Variants in MAOB observed in about 807,000 individuals in gnomAD.
MAOB encodes the protein amine oxidase [flavin-containing] B.
MAOB carries 15 observed loss-of-function variants against 41.9 expected under a neutral mutation model. That is an observed-to-expected ratio of 0.36 (90% CI 0.24 to 0.55). The LOEUF is 0.55. Ranked by LOEUF, MAOB falls within the 20% of genes least tolerant of loss-of-function variation. MAOB has a pLI of 0.86. For synonymous variants in MAOB, 167 were observed against 144.2 expected, an observed-to-expected ratio of 1.16 and a Z score of -1.13; for missense variants, 345 against 398.7, an observed-to-expected ratio of 0.87 and a Z score of 1.15.
chrX:43,806,929 C>G (rs1043158737), intron 3 of MAOB, among the ~76,000 whole-genome samples: 8 of 111,091 alleles, frequency 7.2e-5, no homozygotes, highest in African/African-American at 2.6e-4. Flanking sequence ...GTCTGTTGAG[C>G]ATTTTTTTCA....
intron 3 of MAOB, among the ~76,000 whole-genome samples, chrX:43,836,662 G>C (rs745482266): frequency 8.9e-6 from 1 of 112,092 alleles, no homozygotes; most frequent in East Asian, 2.8e-4. Context: ...CGAACCAAGA[G>C]AGTATTTTAG....
chrX:43,793,370 A>G (rs1194819127), intron 8 of MAOB, 49 bp downstream of exon 8: 13 of 1,013,803 alleles, frequency 1.3e-5, no homozygotes, highest in Non-Finnish European at 1.7e-5. Context: ...CTTAGCAACA[A>G]GTTTCTTGGA....
At chrX:43,870,794 C>CAAAAAAAAAAAAAAAAAAAAAAAAAAAA (rs763016344) in intron 1 of MAOB, among the ~76,000 whole-genome samples, 1 of 21,933 alleles carries the variant, frequency 4.6e-5, no homozygotes, top group Non-Finnish European at 7.8e-5. Context: ...GACTCCACCT[C>CAAAAAAAAAAAAAAAAAAAAAAAAAAAA]AAAAAAAAAA....
At chrX:43,840,311 G>C (rs997861262) in intron 2 of MAOB, among the ~76,000 whole-genome samples, 2 of 111,459 alleles carry the variant, frequency 1.8e-5, no homozygotes, top group Non-Finnish European at 3.8e-5. Context: ...CATTTTCCTT[G>C]ATAAGCTATA....
intron 10 of MAOB, 53 bp downstream of exon 10, chrX:43,780,289 G>A: frequency 2.1e-6 from 2 of 963,237 alleles, no homozygotes; most frequent in East Asian, 3.2e-5. Context: ...GGGAGGGATG[G>A]AGTGGGGGGG....
rs200388986 is a variant in MAOB, at chrX:43,767,529, G to A, written c.1500C>T (p.Thr500=). The change falls in exon 15 of 15, where the codon ACC becomes ACT. Residue 500 remains threonine (T), a synonymous_variant. Transcript: ENST00000378069. ...AGCCAAGAGCCGTTGCTGAAAAGAT[G>A]GTGGTCAATCCAATCAGCCTGAGCA... The part of the protein sequence containing the change: ...PGLLRLIGLT[T]IFSATALGFL... 2.4e-5 allele frequency: 29 copies of A among 1,208,883 alleles called. No homozygotes were observed. The African/African-American group carries it at 4.9e-4, about 20-fold the overall frequency.
chrX:43,796,185 C>T (rs1366561024), intron 6 of MAOB, among the ~76,000 whole-genome samples: 1 of 111,748 alleles, frequency 8.9e-6, no homozygotes, highest in African/African-American at 3.3e-5. Context: ...GCTCTCTGTC[C>T]TATCTGCAGT....
intron 2 of MAOB, among the ~76,000 whole-genome samples, chrX:43,839,464 T>C (rs1412759377): frequency 1.8e-5 from 2 of 112,257 alleles, no homozygotes; most frequent in Admixed American, 9.4e-5. Flanking sequence ...ACTTTGAAAT[T>C]GCTTTTATGT....
intron 1 of MAOB, among the ~76,000 whole-genome samples, chrX:43,878,954 T>G (rs146436393): frequency 8.9e-6 from 1 of 112,414 alleles, no homozygotes; most frequent in Admixed American, 9.4e-5. Flanking sequence ...GCCAAAACTT[T>G]CTTGTTTCTG....
intron 11 of MAOB, among the ~76,000 whole-genome samples, chrX:43,776,734 A>G (rs1467496212): frequency 9.5e-6 from 1 of 105,755 alleles, no homozygotes; most frequent in Non-Finnish European, 2.0e-5. Flanking sequence ...AACATTAGGT[A>G]TATCTCCAAA....
At chrX:43,823,694 T>A (rs1314722982) in intron 3 of MAOB, among the ~76,000 whole-genome samples, 3 of 111,803 alleles carry the variant, frequency 2.7e-5, no homozygotes, top group Admixed American at 9.5e-5. Context: ...TTCTGTTACA[T>A]TTATAAGCAT....
At chrX:43,844,469 T>C (rs2035177015) in intron 1 of MAOB, 1 of 112,001 alleles carries the variant, frequency 8.9e-6, no homozygotes, top group Admixed American at 9.4e-5. Context: ...TTGTGATGGT[T>C]AATTTTAGGT....
At chrX:43,806,411 C>A (rs956184671) in intron 3 of MAOB, among the ~76,000 whole-genome samples, 3 of 111,822 alleles carry the variant, frequency 2.7e-5, no homozygotes, top group African/African-American at 9.7e-5. Flanking sequence ...TCTGAAGTTA[C>A]TTTTTTCATT....
chrX:43,819,334 G>T (rs2034855205), intron 3 of MAOB, among the ~76,000 whole-genome samples: 1 of 111,353 alleles, frequency 9.0e-6, no homozygotes, highest in African/African-American at 3.3e-5. Flanking sequence ...CACCTTCTCT[G>T]GGCACCTCAC....
At chrX:43,877,200 T>C (rs2035445445) in intron 1 of MAOB, among the ~76,000 whole-genome samples, 1 of 112,144 alleles carries the variant, frequency 8.9e-6, no homozygotes, top group African/African-American at 3.2e-5. Context: ...GTAGACACCA[T>C]GCTCTTAACC....
chrX:43,847,182 A>G (rs1035518181), intron 1 of MAOB, among the ~76,000 whole-genome samples: 1 of 110,744 alleles, frequency 9.0e-6, no homozygotes, highest in Non-Finnish European at 1.9e-5. Flanking sequence ...CGTCTCTACT[A>G]AAAATACGAA....
chrX:43,829,066 G>A (rs1376347654), intron 3 of MAOB, among the ~76,000 whole-genome samples: 1 of 111,777 alleles, frequency 8.9e-6, no homozygotes, highest in Non-Finnish European at 1.9e-5. Context: ...TTTTTCTCAT[G>A]GTTTGCACAT....
intron 3 of MAOB, among the ~76,000 whole-genome samples, chrX:43,811,992 T>C (rs1278022011): frequency 3.6e-5 from 4 of 111,687 alleles, no homozygotes; most frequent in Non-Finnish European, 7.5e-5. Flanking sequence ...CCCACCAACA[T>C]TCTACTATCC....
chrX:43,777,206 C>A (rs1048427202), intron 11 of MAOB, among the ~76,000 whole-genome samples: 1 of 111,191 alleles, frequency 9.0e-6, no homozygotes, highest in Non-Finnish European at 1.9e-5. Context: ...TGGGTATATA[C>A]CCAAAGGATT....
Sources: gnomAD v4.1 joint callset for allele counts (sites outside exome capture counted in the v4.1 genomes callset) on GRCh38, gnomAD v4.1.1 for gene constraint, MANE v1.5 for transcripts, NCBI Gene and HGNC (gene_info 2026-07-23, HGNC 2026-07-21) for gene names.